Variants in UNC13B observed in about 807,000 individuals in gnomAD.
The protein encoded by UNC13B is protein unc-13 homolog B.
A neutral mutation model predicts 211.0 loss-of-function variants in UNC13B; 144 were observed. The ratio of observed to expected loss-of-function variants is 0.68; its 90% confidence interval spans 0.60 to 0.78. UNC13B has a LOEUF of 0.78. UNC13B is among the 30% of genes least tolerant of loss of function. The pLI, the probability that UNC13B is intolerant of heterozygous loss-of-function variation, is 0.00. For missense variants in UNC13B, 1,777 were observed against 2,002.0 expected (o/e 0.89, Z 2.14); for synonymous variants, 709 against 725.8 (o/e 0.98, Z 0.37).
intron 11 of UNC13B, among the ~76,000 whole-genome samples, chr9:35,343,566 A>T (rs2069008): frequency 6.6e-6 from 1 of 152,110 alleles, no homozygotes; most frequent in East Asian, 1.9e-4. Context: ...TACCTTGAGG[A>T]GGATTGAACC....
intron 1 of UNC13B, among the ~76,000 whole-genome samples, chr9:35,179,240 G>C (rs1045992005): frequency 1.9e-4 from 29 of 152,184 alleles, no homozygotes; most frequent in African/African-American, 5.3e-4. Flanking sequence ...GTGAATCAGA[G>C]TCTCACTATA....
intron 1 of UNC13B, among the ~76,000 whole-genome samples, chr9:35,177,501 C>T (rs1425479407): frequency 6.6e-6 from 1 of 152,218 alleles, no homozygotes; most frequent in Non-Finnish European, 1.5e-5. Context: ...GAAGTGTTAA[C>T]ATCTGCCCCA....
chr9:35,379,436 A>G (rs1834670633), intron 17 of UNC13B, among the ~76,000 whole-genome samples: 1 of 151,934 alleles, frequency 6.6e-6, no homozygotes, highest in South Asian at 2.1e-4. Context: ...TGACAGAGTG[A>G]GACTCCGTCT....
At chr9:35,179,139 T>C (rs1587302484) in intron 1 of UNC13B, among the ~76,000 whole-genome samples, 2 of 152,152 alleles carry the variant, frequency 1.3e-5, no homozygotes, top group East Asian at 3.8e-4. Flanking sequence ...CAATACCAAA[T>C]TAATTATACA....
chr9:35,387,995 C>A (rs10972455), intron 24 of UNC13B, among the ~76,000 whole-genome samples: 1 of 152,070 alleles, frequency 6.6e-6, no homozygotes, highest in Non-Finnish European at 1.5e-5. Context: ...AAAGTTCAAT[C>A]TGAATTTTGA....
rs776852381 is a variant in UNC13B at position 35,370,434 on chromosome 9, T to G, written c.9540+38T>G. 6.2e-6 allele frequency: 10 copies of G among 1,600,824 alleles called. No individual in the cohort carries two copies. In the South Asian group the frequency reaches 6.6e-5, roughly 11 times the overall value. On this transcript the variant is annotated intron_variant, in intron 13 of 39. Coordinates refer to ENST00000635942, the MANE Select transcript of UNC13B (RefSeq NM_001371189.2). The stretch of plus-strand genomic sequence containing the variant: ...TCTTGTGCAGGCATAGGCAGTAGCC[T>G]TGGGGTATCCCCCATTGGGCCTTGG...
chr9:35,205,163 C>T (rs1204798895), intron 1 of UNC13B, among the ~76,000 whole-genome samples: 1 of 152,144 alleles, frequency 6.6e-6, no homozygotes, highest in Non-Finnish European at 1.5e-5. Flanking sequence ...GCTATATCTC[C>T]CTTCACCTTA....
At chr9:35,320,649 A>G (rs962975552) in intron 11 of UNC13B, among the ~76,000 whole-genome samples, 17 of 152,190 alleles carry the variant, frequency 1.1e-4, no homozygotes, top group African/African-American at 4.1e-4. Context: ...CACATCTTTT[A>G]AAACCCAGTC....
chr9:35,227,362 T>C (rs1824907039), intron 1 of UNC13B, among the ~76,000 whole-genome samples: 1 of 152,172 alleles, frequency 6.6e-6, no homozygotes, highest in Non-Finnish European at 1.5e-5. Context: ...CCTTTTTTTT[T>C]CTCCTGTGGC....
intron 29 of UNC13B, 60 bp downstream of exon 29, chr9:35,397,370 C>T: frequency 1.9e-6 from 3 of 1,594,288 alleles, no homozygotes; most frequent in Non-Finnish European, 2.6e-6. Context: ...AGTCTCATCA[C>T]AGGCCTGAGC....
intron 11 of UNC13B, among the ~76,000 whole-genome samples, chr9:35,329,849 T>C (rs1333708996): frequency 2.0e-5 from 3 of 152,160 alleles, no homozygotes; most frequent in African/African-American, 7.2e-5. Context: ...AAAACTAATA[T>C]ACCTCCCATG....
chr9:35,363,860 T>A (rs746911550), intron 11 of UNC13B, among the ~76,000 whole-genome samples: 1 of 152,160 alleles, frequency 6.6e-6, no homozygotes, highest in African/African-American at 2.4e-5. Context: ...AATAATCAGA[T>A]TTGGGATTGC....
chr9:35,164,373 T>C (rs1214981566), intron 1 of UNC13B, among the ~76,000 whole-genome samples: 1 of 152,222 alleles, frequency 6.6e-6, no homozygotes, highest in African/African-American at 2.4e-5. Flanking sequence ...AGTAGGAATG[T>C]TGTATTCTGA....
chr9:35,201,893 T>C (rs1403417991), intron 1 of UNC13B, among the ~76,000 whole-genome samples: 1 of 152,176 alleles, frequency 6.6e-6, no homozygotes, highest in Non-Finnish European at 1.5e-5. Context: ...TTTGAATGTG[T>C]TTGCTCTTGC....
At chr9:35,273,182 T>C (rs1462757976) in intron 7 of UNC13B, among the ~76,000 whole-genome samples, 8 of 152,228 alleles carry the variant, frequency 5.3e-5, no homozygotes, top group Admixed American at 5.2e-4. Flanking sequence ...ATGTGAGTCA[T>C]ATCATGAATA....
intron 7 of UNC13B, among the ~76,000 whole-genome samples, chr9:35,288,923 AT>A (rs5897597): frequency 0.64 from 97,072 of 150,774 alleles, 31,951 homozygotes; most frequent in Middle Eastern, 0.76. Context: ...GTTCTATGTG[AT>A]TTTTTTTTTC....
chr9:35,374,487 C>T (rs1294768874), intron 13 of UNC13B, among the ~76,000 whole-genome samples: 1 of 143,798 alleles, frequency 7.0e-6, no homozygotes, highest in Non-Finnish European at 1.5e-5. Flanking sequence ...ACTTAACTCT[C>T]TGGGCTTGGC....
At position 35,162,214 on chromosome 9, in the gene UNC13B, C is replaced by T; in HGVS notation, c.-70C>T. The T allele has an allele frequency of 6.5e-7, 1 of 1,540,350 alleles. No individual in the cohort carries two copies. The highest frequency in any genetic ancestry group is 8.7e-7 in the Non-Finnish European group (1 of 1,145,764). Reference sequence around the variant, plus strand: ...GCCGGTAACGAGAGCAGTCGCGGCACCTGCTGAGAGGAAAGAGGGAGCGGT... The same window carrying T: ...GCCGGTAACGAGAGCAGTCGCGGCATCTGCTGAGAGGAAAGAGGGAGCGGT... On this transcript the variant is annotated 5_prime_UTR_variant, in exon 1 of 40. Transcript: ENST00000635942.
intron 10 of UNC13B, among the ~76,000 whole-genome samples, chr9:35,313,198 G>A (rs1830268295): frequency 6.6e-6 from 1 of 152,002 alleles, no homozygotes; most frequent in South Asian, 2.1e-4. Context: ...TACCACATTG[G>A]GTAAATGACA....
Sources: allele counts gnomAD v4.1 joint callset (sites outside exome capture counted in the v4.1 genomes callset), GRCh38; gene constraint gnomAD v4.1.1; transcripts MANE v1.5; gene names NCBI Gene and HGNC (gene_info 2026-07-23, HGNC 2026-07-21).